The following SLC2A9 variants were observed in gnomAD, a reference collection of about 807,000 sequenced individuals.
SLC2A9 encodes the protein solute carrier family 2, facilitated glucose transporter member 9.
SLC2A9 carries 39 observed loss-of-function variants against 50.6 expected under a neutral mutation model. That is an observed-to-expected ratio of 0.77 (90% CI 0.60 to 1.01). The LOEUF is 1.01. SLC2A9 is among the 50% of genes least tolerant of loss of function. The pLI, the probability that SLC2A9 is intolerant of heterozygous loss-of-function variation, is 0.00. For synonymous variants in SLC2A9, 324 were observed against 276.9 expected (o/e 1.17, Z -1.69); for missense variants, 686 against 677.6 (o/e 1.01, Z -0.14).
intron 3 of SLC2A9, among the ~76,000 whole-genome samples, chr4:9,991,045 C>A (rs926755759): frequency 2.6e-5 from 4 of 152,194 alleles, no homozygotes; most frequent in Non-Finnish European, 5.9e-5. Context: ...GTGCTGCCTG[C>A]AGCGAGTGAC....
chr4:9,782,569 G>C, intron 3 of SLC2A9: 1 of 1,613,950 alleles, frequency 6.2e-7, no homozygotes, highest in Non-Finnish European at 8.5e-7. Context: ...AGCTCAACTG[G>C]CACAGGGACC....
intron 3 of SLC2A9, 95 bp downstream of exon 3, chr4:9,996,686 G>A: frequency 6.9e-7 from 1 of 1,449,764 alleles, no homozygotes; most frequent in Non-Finnish European, 9.5e-7. Flanking sequence ...TGAACTGCCT[G>A]AGTGGAGTTC....
At chr4:9,998,919 A>G (rs1357014227) in intron 2 of SLC2A9, among the ~76,000 whole-genome samples, 4 of 152,240 alleles carry the variant, frequency 2.6e-5, no homozygotes, top group Non-Finnish European at 4.4e-5. Context: ...GTCTGATTCC[A>G]TGTGTAAAAC....
upstream of SLC2A9, among the ~76,000 whole-genome samples, chr4:10,023,148 G>A (rs1297193510): frequency 6.6e-6 from 1 of 152,228 alleles, no homozygotes; most frequent in Non-Finnish European, 1.5e-5. Context: ...CCCGCTGGAA[G>A]AGGCGGCTTC....
chr4:9,856,957 T>TGAGGGTGAGGGATGGGAG (rs1730825952), intron 10 of SLC2A9, among the ~76,000 whole-genome samples: 1 of 152,104 alleles, frequency 6.6e-6, no homozygotes, highest in Non-Finnish European at 1.5e-5. Flanking sequence ...GTGGCCTACT[T>TGAGGGTGAGGGATGGGAG]GAGGGTGAGG....
chr4:9,997,805 T>C (rs1461224216), intron 2 of SLC2A9, among the ~76,000 whole-genome samples: 1 of 150,832 alleles, frequency 6.6e-6, no homozygotes, highest in East Asian at 1.9e-4. Context: ...CATTTGAATA[T>C]AATCAAGATT....
chr4:9,887,782 C>T (rs1736564976), intron 9 of SLC2A9, 140 bp from the exon 10 acceptor site: 1 of 510,250 alleles, frequency 2.0e-6, no homozygotes, highest in African/African-American at 2.0e-5. Flanking sequence ...GCTTCAGCAT[C>T]TATAACATGG....
At chr4:9,837,034 A>G (rs1020126195) in intron 10 of SLC2A9, among the ~76,000 whole-genome samples, 1 of 152,116 alleles carries the variant, frequency 6.6e-6, no homozygotes, top group Admixed American at 6.5e-5. Context: ...TCACCCCACT[A>G]TGATGCCAGC....
intron 8 of SLC2A9, among the ~76,000 whole-genome samples, chr4:9,894,867 A>G (rs567578760): frequency 1.8e-3 from 273 of 152,332 alleles, no homozygotes; most frequent in African/African-American, 6.3e-3. Flanking sequence ...ATATTATTAC[A>G]CTGCAATCAG....
intron 1 of SLC2A9, among the ~76,000 whole-genome samples, chr4:10,026,850 C>T (rs1007222569): frequency 6.6e-6 from 1 of 152,092 alleles, no homozygotes; most frequent in Admixed American, 6.5e-5. Flanking sequence ...TCAAGACCAG[C>T]CTGGCCAACA....
At chr4:10,012,310 T>C (rs1227384427) in intron 2 of SLC2A9, among the ~76,000 whole-genome samples, 2 of 152,228 alleles carry the variant, frequency 1.3e-5, no homozygotes, top group Non-Finnish European at 2.9e-5. Context: ...AAGTTTTCCA[T>C]AGGACAGACT....
At chr4:9,858,342 G>C (rs543054257) in intron 10 of SLC2A9, among the ~76,000 whole-genome samples, 11 of 152,330 alleles carry the variant, frequency 7.2e-5, no homozygotes, top group African/African-American at 2.6e-4. Flanking sequence ...TAGTGTCTTT[G>C]TGACTGTCTA....
intron 8 of SLC2A9, among the ~76,000 whole-genome samples, chr4:9,898,131 T>C (rs918320094): frequency 1.1e-4 from 16 of 152,168 alleles, no homozygotes; most frequent in Non-Finnish European, 2.4e-4. Context: ...AATAAATTCC[T>C]GTTGTTTAAG....
intron 3 of SLC2A9, among the ~76,000 whole-genome samples, chr4:9,786,850 G>T (rs1220914744): frequency 6.6e-6 from 1 of 152,198 alleles, no homozygotes; most frequent in Non-Finnish European, 1.5e-5. Flanking sequence ...TCACAACTGG[G>T]TGTCAGGTGC....
chr4:9,850,672 C>T (rs369673046), intron 10 of SLC2A9, among the ~76,000 whole-genome samples: 13 of 152,136 alleles, frequency 8.5e-5, no homozygotes, highest in African/African-American at 1.9e-4. Flanking sequence ...CTCCCCTCAC[C>T]GCAGCCTCCC....
intron 11 of SLC2A9, among the ~76,000 whole-genome samples, chr4:9,830,757 T>G (rs544386112): frequency 3.9e-5 from 6 of 152,046 alleles, no homozygotes; most frequent in Non-Finnish European, 7.4e-5. Flanking sequence ...CACTGGAGAG[T>G]GTTTTTCGCA....
intron 6 of SLC2A9, among the ~76,000 whole-genome samples, chr4:9,922,175 T>A (rs1426579205): frequency 6.6e-6 from 1 of 152,208 alleles, no homozygotes; most frequent in African/African-American, 2.4e-5. Context: ...GTTGATTCCA[T>A]GTCATTGCTA....
chr4:9,866,238 A>T (rs1031223115), intron 10 of SLC2A9, among the ~76,000 whole-genome samples: 10 of 151,026 alleles, frequency 6.6e-5, no homozygotes, highest in South Asian at 2.1e-4. Context: ...ATTATTATTA[A>T]TATTATTATT....
chr4:9,995,642 G>C (rs1019963957), intron 3 of SLC2A9: 1 of 152,280 alleles, frequency 6.6e-6, no homozygotes, highest in Middle Eastern at 3.4e-3. Flanking sequence ...GTGATGTCAA[G>C]GTGATGATGA....
Sources: allele counts gnomAD v4.1 joint callset (sites outside exome capture counted in the v4.1 genomes callset), GRCh38; gene constraint gnomAD v4.1.1; transcripts MANE v1.5; gene names NCBI Gene and HGNC (gene_info 2026-07-23, HGNC 2026-07-21).